The following ARL15 variants were observed in gnomAD, a reference collection of about 807,000 sequenced individuals.
The protein encoded by ARL15 is ADP-ribosylation factor-like protein 15.
ARL15 carries 19 observed loss-of-function variants against 25.2 expected under a neutral mutation model. The ratio of observed to expected loss-of-function variants is 0.75; its 90% CI spans 0.53 to 1.10. The LOEUF is 1.10. Among genes scored for constraint, ARL15 ranks in the 50% least tolerant of loss-of-function variants. The pLI is 0.00. For missense variants in ARL15, 220 were observed against 246.0 expected (o/e 0.89, Z 0.71); for synonymous variants, 94 against 86.8 (o/e 1.08, Z -0.46).
chr5:54,253,899 C>T (rs1020518539), intron 1 of ARL15, among the ~76,000 whole-genome samples: 1 of 152,144 alleles, frequency 6.6e-6, no homozygotes, highest in African/African-American at 2.4e-5. Flanking sequence ...CCAGATGATA[C>T]ATTATAAGTA....
At chr5:54,308,086 C>T (rs1295965049) in intron 1 of ARL15, 1 of 152,102 alleles carries the variant, frequency 6.6e-6, no homozygotes, top group Non-Finnish European at 1.5e-5. Context: ...CAAGTCAATC[C>T]GAAAGACAGG....
At chr5:53,888,617 T>C (rs1744619951) in intron 4 of ARL15, among the ~76,000 whole-genome samples, 1 of 152,170 alleles carries the variant, frequency 6.6e-6, no homozygotes, top group African/African-American at 2.4e-5. Flanking sequence ...AAACACAAAC[T>C]CCATTCTTTT....
intron 4 of ARL15, among the ~76,000 whole-genome samples, chr5:53,932,756 T>C (rs1447183362): frequency 6.6e-6 from 1 of 152,186 alleles, no homozygotes; most frequent in African/African-American, 2.4e-5. Context: ...CTCTGAGATC[T>C]GAGCAAGTGG....
chr5:54,189,938 T>A (rs1755348251), intron 1 of ARL15, among the ~76,000 whole-genome samples: 1 of 152,204 alleles, frequency 6.6e-6, no homozygotes, highest in Non-Finnish European at 1.5e-5. Flanking sequence ...GATCAATGTC[T>A]GGAATATGTA....
At chr5:54,247,741 G>A (rs917978240) in intron 1 of ARL15, among the ~76,000 whole-genome samples, 4 of 151,970 alleles carry the variant, frequency 2.6e-5, no homozygotes, top group African/African-American at 7.3e-5. Context: ...CATTAGCAAC[G>A]TATTTTTGAT....
chr5:54,070,032 C>A (rs1472283909), intron 4 of ARL15, among the ~76,000 whole-genome samples: 1 of 151,408 alleles, frequency 6.6e-6, no homozygotes. Context: ...AATGGAGTAG[C>A]CCATTCATAG....
intron 4 of ARL15, among the ~76,000 whole-genome samples, chr5:53,945,698 C>T (rs1393067006): frequency 6.6e-6 from 1 of 152,098 alleles, no homozygotes; most frequent in African/African-American, 2.4e-5. Context: ...TCTAAAATTC[C>T]CGACTGCAGA....
At chr5:54,202,782 G>T (rs896990608) in intron 1 of ARL15, among the ~76,000 whole-genome samples, 1 of 152,076 alleles carries the variant, frequency 6.6e-6, no homozygotes, top group Non-Finnish European at 1.5e-5. Context: ...GGAGGGGAGG[G>T]TGTTGTACTT....
At chr5:54,084,817 C>T (rs1250324363) in intron 4 of ARL15, among the ~76,000 whole-genome samples, 1 of 152,194 alleles carries the variant, frequency 6.6e-6, no homozygotes, top group African/African-American at 2.4e-5. Context: ...ACTGATTTCA[C>T]TCATCCAAGC....
chr5:54,009,827 C>A (rs1749173591), intron 4 of ARL15, among the ~76,000 whole-genome samples: 1 of 152,134 alleles, frequency 6.6e-6, no homozygotes, highest in South Asian at 2.1e-4. Context: ...GGGAACATCT[C>A]CAAAACCCAT....
chr5:54,035,062 A>G (rs185224875), intron 4 of ARL15, among the ~76,000 whole-genome samples: 7 of 152,292 alleles, frequency 4.6e-5, no homozygotes, highest in Admixed American at 2.0e-4. Flanking sequence ...TCTGGCTGAG[A>G]ACATAGGCAA....
At chr5:53,960,432 G>T (rs1747323531) in intron 4 of ARL15, among the ~76,000 whole-genome samples, 1 of 152,084 alleles carries the variant, frequency 6.6e-6, no homozygotes. Context: ...AACCAATGAG[G>T]CTAGGGCACA....
intron 4 of ARL15, among the ~76,000 whole-genome samples, chr5:53,965,113 A>G (rs533778806): frequency 6.6e-6 from 1 of 152,346 alleles, no homozygotes; most frequent in Middle Eastern, 3.4e-3. Context: ...TCTTGACTCT[A>G]GAGAGATTCA....
intron 1 of ARL15, among the ~76,000 whole-genome samples, chr5:54,287,828 T>C (rs1166644183): frequency 6.6e-6 from 1 of 152,152 alleles, no homozygotes; most frequent in Non-Finnish European, 1.5e-5. Flanking sequence ...CTGATTGAAC[T>C]AGCAGGCAGT....
intron 4 of ARL15, among the ~76,000 whole-genome samples, chr5:54,011,765 C>T (rs1580168590): frequency 6.6e-6 from 1 of 152,136 alleles, no homozygotes; most frequent in East Asian, 1.9e-4. Context: ...AATCCCAGCA[C>T]TTTGGGAAAC....
rs2112353061 is a variant in ARL15 at position 54,155,911 on chromosome 5, G to C, written c.194-1272C>G. Among the ~76,000 whole-genome samples the C allele has an allele frequency of 2.0e-5, 3 of 152,198 alleles. No homozygotes were observed. The South Asian group carries it at 6.2e-4, about 32-fold the overall frequency. ...ATTTCTAGGAGTTAATGTATCAATA[G>C]TTTCTGAGCAACCATTCTACTTAAG... On this transcript the variant is annotated intron_variant, in intron 2 of 4. Transcript: ENST00000504924.
chr5:54,241,905 T>A (rs1360732095), intron 1 of ARL15, among the ~76,000 whole-genome samples: 1 of 152,188 alleles, frequency 6.6e-6, no homozygotes, highest in African/African-American at 2.4e-5. Context: ...TCTGTATTTC[T>A]TTTAAGGCTA....
At chr5:54,007,734 A>T (rs534662157) in intron 4 of ARL15, among the ~76,000 whole-genome samples, 1 of 152,336 alleles carries the variant, frequency 6.6e-6, no homozygotes, top group African/African-American at 2.4e-5. Flanking sequence ...CAAACTGATC[A>T]TTGCTGCCTC....
intron 1 of ARL15, among the ~76,000 whole-genome samples, chr5:54,265,686 C>T (rs191811956): frequency 6.6e-6 from 1 of 152,196 alleles, no homozygotes; most frequent in East Asian, 1.9e-4. Context: ...TTCAGTGAAA[C>T]AAAAGGTTTT....
Sources: gnomAD v4.1 joint callset for allele counts (sites outside exome capture counted in the v4.1 genomes callset) on GRCh38, gnomAD v4.1.1 for gene constraint, MANE v1.5 for transcripts, NCBI Gene and HGNC (gene_info 2026-07-23, HGNC 2026-07-21) for gene names.